CUX1: variants seen among roughly 807,000 people sequenced by gnomAD.
CUX1 encodes protein CASP.
CUX1 carries 31 observed loss-of-function variants against 158.8 expected under a neutral mutation model. The observed-to-expected ratio is 0.20, with a 90% CI of 0.15 to 0.26. CUX1 has a LOEUF of 0.26. CUX1 is among the 10% of genes least tolerant of loss of function. The pLI is 1.00. For missense variants in CUX1, 1,589 were observed against 2,014.6 expected, an observed-to-expected ratio of 0.79 and a Z score of 4.04; for synonymous variants, 879 against 862.1, an observed-to-expected ratio of 1.02 and a Z score of -0.34.
chr7:102,192,636 T>G (rs1382784080), intron 12 of CUX1, among the ~76,000 whole-genome samples: 1 of 152,048 alleles, frequency 6.6e-6, no homozygotes, highest in Non-Finnish European at 1.5e-5. Context: ...CAAAACCGTC[T>G]CTACTAAAAA....
rs1479011134 is a variant in CUX1 at position 102,028,264 on chromosome 7, GCTC to G, written c.189+121_189+123del. 6.9e-6 allele frequency: 7 copies of G among 1,013,652 alleles called. No homozygotes were observed. In the African/African-American group the frequency reaches 1.1e-4, roughly 16 times the overall value. The allele number at this position is 1,013,652 out of a possible 1,614,324, so 62.8% of individuals were successfully genotyped here. A position where few individuals can be genotyped will look rare whatever the true frequency, so the allele number is the denominator to read the frequency against. ...CTGCCCAGATGGTGCCTTCCCGGCT[GCTC>G]CGACCCAGCGTCATGCAGATTTTGC... On this transcript the variant is annotated intron_variant, in intron 3 of 23. Transcript: ENST00000292535.
rs1374056389 is a variant in CUX1, at chr7:102,178,259, T to C, written c.829-210T>C. Among the ~76,000 whole-genome samples, 7 of 152,250 alleles carry C rather than the reference T, an allele frequency of 4.6e-5. No homozygotes were observed. In the South Asian group the frequency reaches 1.2e-3, roughly 27 times the overall value. On this transcript the variant is annotated intron_variant, in intron 10 of 23. Coordinates refer to ENST00000292535, the MANE Select transcript of CUX1 (RefSeq NM_181552.4). ...GTACATGGTAGGCACTCAGTACATA[T>C]TTGTCCAGTGAATGAATCGAGGTGG... is the stretch of plus-strand genomic sequence containing the variant.
intron 1 of CUX1, among the ~76,000 whole-genome samples, chr7:101,819,467 C>T (rs1006993698): frequency 6.6e-6 from 1 of 152,186 alleles, no homozygotes; most frequent in Non-Finnish European, 1.5e-5. Context: ...AAGTTGCCTT[C>T]TTTTTCAGAA....
intron 3 of CUX1, among the ~76,000 whole-genome samples, chr7:102,047,358 G>A (rs1229152125): frequency 6.6e-6 from 1 of 151,850 alleles, no homozygotes; most frequent in East Asian, 1.9e-4. Context: ...GGGTGAATAG[G>A]GGATAGATGG....
intron 1 of CUX1, among the ~76,000 whole-genome samples, chr7:101,843,090 T>G (rs1461920203): frequency 6.6e-6 from 1 of 151,830 alleles, no homozygotes; most frequent in Non-Finnish European, 1.5e-5. Flanking sequence ...ATGGTCTCGA[T>G]CTCCTGACCT....
intron 8 of CUX1, among the ~76,000 whole-genome samples, chr7:102,144,670 C>A (rs868965283): frequency 2.9e-3 from 388 of 131,576 alleles, no homozygotes; most frequent in Middle Eastern, 4.0e-3. Flanking sequence ...GACCCTGTCT[C>A]AAAAAAAAAA....
intron 2 of CUX1, among the ~76,000 whole-genome samples, chr7:102,003,294 G>A (rs1255345291): frequency 2.0e-5 from 1 of 49,574 alleles, no homozygotes; most frequent in East Asian, 2.0e-3. Context: ...ACCTGGTGCC[G>A]AACACACACA....
At chr7:102,262,523 G>A (rs1586488705), downstream of CUX1, among the ~76,000 whole-genome samples, 1 of 152,238 alleles carries the variant, frequency 6.6e-6, no homozygotes, top group African/African-American at 2.4e-5. Flanking sequence ...GGATCCAAGT[G>A]AGGCCTATGC....
intron 1 of CUX1, among the ~76,000 whole-genome samples, chr7:101,899,683 G>T (rs1801931280): frequency 6.6e-6 from 1 of 152,210 alleles, no homozygotes; most frequent in Non-Finnish European, 1.5e-5. Flanking sequence ...TGATGTCTGT[G>T]TACATAAGAA....
intron 1 of CUX1, among the ~76,000 whole-genome samples, chr7:101,834,886 C>T (rs1376310876): frequency 6.6e-6 from 1 of 152,034 alleles, no homozygotes; most frequent in African/African-American, 2.4e-5. Flanking sequence ...ATCCCAGCTA[C>T]TCAGGAGGCT....
intron 11 of CUX1, 21 bp downstream of exon 11, chr7:102,178,678 G>A (rs41275215): frequency 0.07 from 111,277 of 1,589,220 alleles, 4,528 homozygotes; most frequent in Middle Eastern, 0.091. Flanking sequence ...TGCGGGGCCC[G>A]GGGGTGGCCC....
chr7:102,149,498 A>G (rs57034131), intron 8 of CUX1, among the ~76,000 whole-genome samples: 2,228 of 146,202 alleles, frequency 0.015, 59 homozygotes, highest in African/African-American at 0.053. Context: ...CAGCGCCACT[A>G]CGCCATTGCC....
chr7:101,909,317 G>A (rs577858957), intron 1 of CUX1, among the ~76,000 whole-genome samples: 13 of 152,220 alleles, frequency 8.5e-5, no homozygotes, highest in African/African-American at 2.2e-4. Context: ...TTGGGAGGCC[G>A]AGGTGGGAAA....
intron 9 of CUX1, among the ~76,000 whole-genome samples, chr7:102,167,415 A>G (rs1022103433): frequency 5.9e-5 from 9 of 152,208 alleles, no homozygotes; most frequent in Non-Finnish European, 8.8e-5. Flanking sequence ...GCTTGAGACC[A>G]TGTAGGCTCC....
chr7:102,061,215 G>A (rs1040605592), intron 3 of CUX1, among the ~76,000 whole-genome samples: 3 of 152,122 alleles, frequency 2.0e-5, no homozygotes, highest in Non-Finnish European at 4.4e-5. Flanking sequence ...GTGAGTCACT[G>A]TGCCCAGCCA....
In CUX1 at chr7:102,254,682, G is replaced by C; in HGVS notation, c.*5640G>C. The stretch of plus-strand genomic sequence containing the variant: ...TTTAGAAAGCCCTCAGTGCTTCTGT[G>C]GTTTCACCTGGGCATCGACGACATT... On this transcript the variant is annotated 3_prime_UTR_variant, in exon 24 of 24. Coordinates refer to ENST00000292535, the MANE Select transcript of CUX1 (RefSeq NM_181552.4). 2 of 985,444 alleles carry C rather than the reference G, an allele frequency of 2.0e-6. No individual in the cohort carries two copies. The highest frequency in any genetic ancestry group is 4.7e-5 in the South Asian group (1 of 21,286). The allele number at this position is 985,444 out of a possible 1,614,324, so 61.0% of individuals were successfully genotyped here. A position where few individuals can be genotyped will look rare whatever the true frequency, so the allele number is the denominator to read the frequency against.
At chr7:102,166,160 T>C (rs1452561549) in intron 9 of CUX1, among the ~76,000 whole-genome samples, 1 of 152,200 alleles carries the variant, frequency 6.6e-6, no homozygotes, top group African/African-American at 2.4e-5. Flanking sequence ...GTGAGCCCCG[T>C]GGCCACCAGT....
At chr7:102,263,261 C>T (rs1790546875) in intron 14 of CUX1, among the ~76,000 whole-genome samples, 1 of 150,814 alleles carries the variant, frequency 6.6e-6, no homozygotes, top group Admixed American at 6.6e-5. Flanking sequence ...GTGATCCACC[C>T]GCCTTGGCAT....
intron 22 of CUX1, chr7:102,282,886 A>C: frequency 1.3e-6 from 1 of 784,608 alleles, no homozygotes. Context: ...CCTCCATCAC[A>C]GCCCCCCATT....
Sources: allele counts gnomAD v4.1 joint callset (sites outside exome capture counted in the v4.1 genomes callset), GRCh38; gene constraint gnomAD v4.1.1; transcripts MANE v1.5; gene names NCBI Gene and HGNC (gene_info 2026-07-23, HGNC 2026-07-21).